The following UBAC2 variants were observed in gnomAD, a reference collection of about 807,000 sequenced individuals.
UBAC2 encodes ubiquitin-associated domain-containing protein 2.
Under a neutral mutation model 44.0 loss-of-function variants are expected in UBAC2, and 26 were observed. The observed-to-expected ratio is 0.59, with a 90% confidence interval of 0.43 to 0.82. The LOEUF (loss-of-function observed/expected upper bound fraction) is 0.82. Ranked by LOEUF, UBAC2 falls within the 40% of genes least tolerant of loss-of-function variation. UBAC2 has a pLI of 0.00. For missense variants in UBAC2, 329 were observed against 419.4 expected, an observed-to-expected ratio of 0.78 and a Z score of 1.88; for synonymous variants, 155 against 154.3, an observed-to-expected ratio of 1.00 and a Z score of -0.04.
At chr13:99,267,034 C>T (rs988375536) in intron 4 of UBAC2, among the ~76,000 whole-genome samples, 10 of 151,522 alleles carry the variant, frequency 6.6e-5, no homozygotes, top group Non-Finnish European at 1.5e-4. Context: ...GCCCTTCCCT[C>T]CCCTCCCTCC....
intron 1 of UBAC2, among the ~76,000 whole-genome samples, chr13:99,212,650 G>A (rs960011784): frequency 2.0e-5 from 3 of 152,032 alleles, no homozygotes; most frequent in Admixed American, 1.3e-4. Context: ...ATTTATTGGG[G>A]GACATAAAAT....
intron 7 of UBAC2, among the ~76,000 whole-genome samples, chr13:99,342,278 A>G (rs2044901834): frequency 1.3e-5 from 2 of 152,218 alleles, no homozygotes; most frequent in African/African-American, 2.4e-5. Flanking sequence ...GGTAAGTCCC[A>G]TGCGTACGAC....
chr13:99,236,943 A>G (rs903516457), intron 1 of UBAC2, among the ~76,000 whole-genome samples: 1 of 151,240 alleles, frequency 6.6e-6, no homozygotes. Context: ...GTAAATTAGT[A>G]CAGTCACGAT....
chr13:99,322,422 G>T (rs2044580461), intron 6 of UBAC2, among the ~76,000 whole-genome samples: 1 of 152,180 alleles, frequency 6.6e-6, no homozygotes, highest in African/African-American at 2.4e-5. Flanking sequence ...CAAAAGCCGA[G>T]GTCTCAGGAC....
At chr13:99,204,617 G>A (rs1156719472) in intron 1 of UBAC2, among the ~76,000 whole-genome samples, 1 of 152,170 alleles carries the variant, frequency 6.6e-6, no homozygotes, top group Admixed American at 6.5e-5. Flanking sequence ...GACAATTTCA[G>A]GGGAGAGTGG....
intron 1 of UBAC2, among the ~76,000 whole-genome samples, chr13:99,222,532 C>G (rs537123102): frequency 6.6e-6 from 1 of 152,196 alleles, no homozygotes; most frequent in South Asian, 2.1e-4. Flanking sequence ...AAGGGGTAGC[C>G]CATTGGTAAT....
intron 4 of UBAC2, among the ~76,000 whole-genome samples, chr13:99,303,145 T>A (rs1426584512): frequency 6.6e-6 from 1 of 152,228 alleles, no homozygotes; most frequent in Non-Finnish European, 1.5e-5. Flanking sequence ...CAGCTCCCAA[T>A]AGATCTGCGA....
At chr13:99,319,130 A>G (rs2044535543) in intron 6 of UBAC2, among the ~76,000 whole-genome samples, 2 of 152,102 alleles carry the variant, frequency 1.3e-5, no homozygotes, top group Admixed American at 6.5e-5. Context: ...CAACCTCAGT[A>G]TGTTTGCTGG....
At chr13:99,339,508 C>G (rs1003221931) in intron 6 of UBAC2, among the ~76,000 whole-genome samples, 1 of 152,164 alleles carries the variant, frequency 6.6e-6, no homozygotes, top group Non-Finnish European at 1.5e-5. Context: ...AGCACAGTCT[C>G]AAAGAATTCT....
In UBAC2 at chr13:99,385,228, G is replaced by C; in HGVS notation, c.928G>C (p.Val310Leu). The change falls in exon 9 of 9, where the codon GTC (valine) becomes CTC (leucine). Residue 310 changes from valine to leucine, a missense_variant and splice_region_variant. Transcript: ENST00000403766. ...GTTTCTGCGTTTTCTCTGCCTGCAGGTCGCCCGGCTCATGGAGATGGGATT... is the reference window on the plus strand; with the variant it reads ...GTTTCTGCGTTTTCTCTGCCTGCAGCTCGCCCGGCTCATGGAGATGGGATT... Reference protein sequence around the residue: ...APPLEVSEEQVARLMEMGFSR... With the variant: ...APPLEVSEEQLARLMEMGFSR... The C allele has an allele frequency of 6.2e-7, 1 of 1,613,460 alleles. No homozygotes were observed. The highest frequency in any genetic ancestry group is 8.5e-7 in the Non-Finnish European group (1 of 1,179,410).
Position 99,244,497 on chromosome 13 carries a change from T to A in UBAC2, c.280-18T>A. ...AGGAGACTCATCTCTATCATTTTTC[T>A]GCTGTTTTATTTTGTAGTCCTTTTT... is the stretch of plus-strand genomic sequence containing the variant. On this transcript the variant is annotated intron_variant, in intron 3 of 8. Transcript: ENST00000403766. 1 of 1,554,596 alleles carries A rather than the reference T, an allele frequency of 6.4e-7. No individual in the cohort carries two copies.
At chr13:99,254,390 C>T (rs1234222804) in intron 4 of UBAC2, among the ~76,000 whole-genome samples, 2 of 151,954 alleles carry the variant, frequency 1.3e-5, no homozygotes, top group African/African-American at 4.8e-5. Flanking sequence ...TGTAACAGGC[C>T]CCTTGGGTTC....
At position 99,244,004 on chromosome 13, in the gene UBAC2, G is replaced by T. The variant is rs577035471; in HGVS notation, c.279+53G>T. On this transcript the variant is annotated intron_variant, in intron 3 of 8. Transcript: ENST00000403766. The stretch of plus-strand genomic sequence containing the variant: ...TACTTAGGCTGTAGAAAAAAATTTT[G>T]TTTAAATGGATTTTATTTTGTTAAA... 9.7e-5 allele frequency: 135 copies of T among 1,392,730 alleles called. No individual in the cohort carries two copies. The Admixed American group carries it at 1.1e-3, about 12-fold the overall frequency. 86.3% of individuals were successfully genotyped at this position (1,392,730 alleles called of 1,614,324 possible).
At chr13:99,241,806 A>G (rs1438654281) in intron 2 of UBAC2, among the ~76,000 whole-genome samples, 2 of 143,320 alleles carry the variant, frequency 1.4e-5, no homozygotes, top group Admixed American at 7.2e-5. Flanking sequence ...GCAGGGTCAT[A>G]GGACAATAGT....
intron 4 of UBAC2, among the ~76,000 whole-genome samples, chr13:99,263,808 A>G (rs1471593020): frequency 6.6e-6 from 1 of 152,228 alleles, no homozygotes; most frequent in African/African-American, 2.4e-5. Context: ...CACAATCACA[A>G]TTGATGATAC....
At chr13:99,216,076 CTA>C (rs371886416) in intron 1 of UBAC2, among the ~76,000 whole-genome samples, 153 of 105,210 alleles carry the variant, frequency 1.5e-3, no homozygotes, top group Non-Finnish European at 2.4e-3. Context: ...TTGTACCAAC[CTA>C]TATTTGTGTG....
intron 1 of UBAC2, among the ~76,000 whole-genome samples, chr13:99,207,139 G>A (rs2042882291): frequency 6.6e-6 from 1 of 152,244 alleles, no homozygotes; most frequent in African/African-American, 2.4e-5. Flanking sequence ...CCCTCCCTGA[G>A]TTGGGAGTCT....
At chr13:99,345,295 TTA>T (rs2044957080) in intron 7 of UBAC2, among the ~76,000 whole-genome samples, 2 of 152,288 alleles carry the variant, frequency 1.3e-5, no homozygotes, top group South Asian at 4.1e-4. Context: ...GAAAAATTGT[TTA>T]TTCAGTAACA....
chr13:99,295,658 G>A lies in UBAC2; in HGVS notation c.390-18439G>A. 1 of 1,614,126 alleles carries A rather than the reference G, an allele frequency of 6.2e-7. No individual in the cohort carries two copies. The highest frequency in any genetic ancestry group is 1.1e-5 in the South Asian group (1 of 91,076). On this transcript the variant is annotated intron_variant, in intron 4 of 8. Transcript: ENST00000403766. The surrounding 1 kb of genome is among the most constrained non-coding windows in gnomAD (Gnocchi z 4.1). Reference sequence around the variant, plus strand: ...CATAGGGTTGATGAGGAGTGGGAGTGTCTGAGCAAATACTAGAATCCAGAC... The same window carrying A: ...CATAGGGTTGATGAGGAGTGGGAGTATCTGAGCAAATACTAGAATCCAGAC...
Sources: gnomAD v4.1 joint callset for allele counts (sites outside exome capture counted in the v4.1 genomes callset) on GRCh38, gnomAD v4.1.1 for gene constraint, Gnocchi (gnomAD v3.1) non-coding constraint, MANE v1.5 for transcripts, NCBI Gene and HGNC (gene_info 2026-07-23, HGNC 2026-07-21) for gene names.